Variants in ABCC12 observed in about 807,000 individuals in gnomAD.
ABCC12 encodes ATP-binding cassette sub-family C member 12.
In ABCC12, 142 loss-of-function variants were observed where a neutral mutation model predicts 151.1. The observed-to-expected ratio is 0.94, with a 90% CI of 0.82 to 1.08. The LOEUF (loss-of-function observed/expected upper bound fraction) is 1.08, where lower values mean the gene tolerates loss of function less well. ABCC12 is among the 50% of genes least tolerant of loss of function. ABCC12 has a pLI of 0.00. For missense variants in ABCC12, 1,638 were observed against 1,691.1 expected (o/e 0.97, Z 0.55); for synonymous variants, 645 against 646.4 (o/e 1.00, Z 0.03).
At chr16:48,147,059 A>G (rs1451073525) in intron 2 of ABCC12, among the ~76,000 whole-genome samples, 1 of 151,874 alleles carries the variant, frequency 6.6e-6, no homozygotes. Context: ...CCTGATACCC[A>G]CTGGTCAGAG....
At chr16:48,097,015 A>G in intron 23 of ABCC12, 113 bp from the exon 24 acceptor site, 1 of 1,283,104 alleles carries the variant, frequency 7.8e-7, no homozygotes, top group South Asian at 1.2e-5. Context: ...AATGAGGCCA[A>G]GGAATTTTTA....
chr16:48,128,458 C>A lies in ABCC12; in HGVS notation c.1515+1G>T. Reference sequence around the variant, plus strand: ...GCCACACCTGTGCAACACACACCCACCTTTCTCACCACAAAGCTTATGCTG... The same window carrying A: ...GCCACACCTGTGCAACACACACCCAACTTTCTCACCACAAAGCTTATGCTG... On this transcript the variant is annotated splice_donor_variant, in intron 11 of 30. Coordinates refer to ENST00000311303, the MANE Select transcript of ABCC12 (RefSeq NM_001393797.1). LOFTEE classifies it high-confidence loss of function. The A allele has an allele frequency of 6.2e-7, 1 of 1,613,634 alleles. No homozygotes were observed. Among genetic ancestry groups the A allele is most frequent in the South Asian group, 1.1e-5 (1 of 91,042 alleles).
At chr16:48,115,836 G>T in intron 14 of ABCC12, among the ~76,000 whole-genome samples, 1 of 152,196 alleles carries the variant, frequency 6.6e-6, no homozygotes. Flanking sequence ...AGCCCAGTGG[G>T]CAGCGGCAAC....
intron 24 of ABCC12, 38 bp downstream of exon 24, chr16:48,096,707 GA>G: frequency 1.2e-6 from 2 of 1,607,948 alleles, no homozygotes; most frequent in Non-Finnish European, 1.7e-6. Context: ...TTACAGGCCG[GA>G]GCCTCCAGAC....
chr16:48,155,583 C>T (rs1040839926), intron 1 of ABCC12, among the ~76,000 whole-genome samples: 1 of 152,146 alleles, frequency 6.6e-6, no homozygotes, highest in South Asian at 2.1e-4. Flanking sequence ...TTTGAAATCG[C>T]GTCTTGGCAT....
At chr16:48,094,914 G>A (rs1223385816) in intron 24 of ABCC12, among the ~76,000 whole-genome samples, 5 of 152,096 alleles carry the variant, frequency 3.3e-5, no homozygotes, top group Non-Finnish European at 2.9e-5. Flanking sequence ...CCAGTTCCCC[G>A]GAGTTAAATA....
chr16:48,141,479 A>C, intron 4 of ABCC12, 126 bp from the exon 5 acceptor site: 1 of 1,260,918 alleles, frequency 7.9e-7, no homozygotes, highest in Non-Finnish European at 1.1e-6. Flanking sequence ...GGTGCCTTCC[A>C]GCACTGGCTC....
At chr16:48,107,524 T>C in intron 19 of ABCC12, 99 bp from the exon 20 acceptor site, 1 of 1,075,096 alleles carries the variant, frequency 9.3e-7, no homozygotes, top group Non-Finnish European at 1.4e-6. Context: ...ATTCAAAACC[T>C]GCAGGAAAAG....
chr16:48,086,522 T>A (rs951949428), intron 28 of ABCC12: 2 of 512,052 alleles, frequency 3.9e-6, no homozygotes, highest in Non-Finnish European at 7.0e-6. Flanking sequence ...CCAAGTGAGA[T>A]GATACATGTA....
At chr16:48,086,048 G>T in intron 28 of ABCC12, 1 of 233,010 alleles carries the variant, frequency 4.3e-6, no homozygotes, top group South Asian at 6.3e-5. Context: ...AGATGGGATG[G>T]GAGAGTTTTC....
At position 48,084,075 on chromosome 16, in the gene ABCC12, T is replaced by C. The variant is rs1423829927; in HGVS notation, c.3829-2A>G. The stretch of plus-strand genomic sequence containing the variant: ...GGTGGCTTCATCAAGGAGAATGATC[T>C]GTGGAGGAGGAAACATTATAAGCCA... On this transcript the variant is annotated splice_acceptor_variant, in intron 29 of 30. Coordinates refer to ENST00000311303, the MANE Select transcript of ABCC12 (RefSeq NM_001393797.1). LOFTEE classifies it high-confidence loss of function. 2 of 1,605,056 alleles carry C rather than the reference T, an allele frequency of 1.2e-6. No individual in the cohort carries two copies. Among genetic ancestry groups the C allele is most frequent in the Non-Finnish European group, 1.7e-6 (2 of 1,177,850 alleles).
chr16:48,149,328 C>T (rs866960718), intron 2 of ABCC12, among the ~76,000 whole-genome samples: 18 of 146,980 alleles, frequency 1.2e-4, no homozygotes, highest in African/African-American at 4.2e-4. Context: ...ATATTAATAG[C>T]AAGCCAATAG....
At chr16:48,148,152 T>C (rs1378381096) in intron 2 of ABCC12, among the ~76,000 whole-genome samples, 2 of 152,066 alleles carry the variant, frequency 1.3e-5, no homozygotes, top group Admixed American at 6.6e-5. Flanking sequence ...TTTGCCATAT[T>C]GGCCAGGTTG....
chr16:48,105,109 T>C, intron 21 of ABCC12, 30 bp downstream of exon 21: 1 of 1,613,184 alleles, frequency 6.2e-7, no homozygotes, highest in Non-Finnish European at 8.5e-7. Flanking sequence ...ACTGAATAAC[T>C]GGGTACACCT....
chr16:48,102,068 A>T (rs8060847), intron 22 of ABCC12, among the ~76,000 whole-genome samples: 2,978 of 152,078 alleles, frequency 0.02, 100 homozygotes, highest in African/African-American at 0.068. Flanking sequence ...GAAAACCCCA[A>T]CTTTCCCCGC....
At chr16:48,133,526 A>AG (rs1438273619) in intron 9 of ABCC12, among the ~76,000 whole-genome samples, 161 bp downstream of exon 9, 1 of 148,516 alleles carries the variant, frequency 6.7e-6, no homozygotes, top group Non-Finnish European at 1.5e-5. Flanking sequence ...ACCCTGTCTC[A>AG]GAAAAAAAAA....
intron 19 of ABCC12, 27 bp downstream of exon 19, chr16:48,108,413 C>T: frequency 5.0e-6 from 8 of 1,592,168 alleles, no homozygotes; most frequent in Non-Finnish European, 6.9e-6. Context: ...CAAATTAAAT[C>T]AAGAAACTTG....
At chr16:48,119,482 G>A (rs540034955) in intron 13 of ABCC12, among the ~76,000 whole-genome samples, 2 of 152,348 alleles carry the variant, frequency 1.3e-5, no homozygotes, top group South Asian at 4.1e-4. Flanking sequence ...GACAGAGAAG[G>A]CATTCCAGGT....
Position 48,088,579 on chromosome 16 carries a change from C to A in ABCC12, c.3441G>T (p.Gly1147=), listed in dbSNP as rs756068888. 1.9e-6 allele frequency: 3 copies of A among 1,614,172 alleles called. No homozygotes were observed. Among genetic ancestry groups the A allele is most frequent in the Non-Finnish European group, 8.5e-7 (1 of 1,180,026 alleles). Residue 1147 remains glycine, a synonymous_variant, in exon 26 of 31, where the codon GGG becomes GGT. Transcript: ENST00000311303. ...TTCTTCCAACAATCCCGACTGTCTG[C>A]CCACTTTGTATGTTCAAGTTCAGGC... is the stretch of plus-strand genomic sequence containing the variant. ...LDSLNLNIQS[G]QTVGIVGRTG...
Sources: allele counts gnomAD v4.1 joint callset (sites outside exome capture counted in the v4.1 genomes callset), GRCh38; gene constraint gnomAD v4.1.1; transcripts MANE v1.5; gene names NCBI Gene and HGNC (gene_info 2026-07-23, HGNC 2026-07-21).